LGR5: variants seen among roughly 807,000 people sequenced by gnomAD.
The protein encoded by LGR5 is leucine-rich repeat-containing G protein-coupled receptor 5.
A neutral mutation model predicts 76.7 loss-of-function variants in LGR5; 54 were observed. The observed-to-expected ratio is 0.70, with a 90% CI of 0.57 to 0.88. The LOEUF (loss-of-function observed/expected upper bound fraction) is 0.88. LGR5 is among the 40% of genes least tolerant of loss of function. The pLI, the probability that LGR5 is intolerant of heterozygous loss-of-function variation, is 0.00. For synonymous variants in LGR5, 406 were observed against 421.9 expected (o/e 0.96, Z 0.46); for missense variants, 1,078 against 1,073.3 (o/e 1.00, Z -0.06).
chr12:71,579,623 C>T (rs1879006631), intron 15 of LGR5, among the ~76,000 whole-genome samples: 1 of 152,118 alleles, frequency 6.6e-6, no homozygotes, highest in Admixed American at 6.5e-5. Context: ...TCCCCTCAAG[C>T]ATTTATCCTT....
intron 8 of LGR5, 63 bp from the exon 9 acceptor site, chr12:71,566,341 G>A (rs1413703076): frequency 9.6e-7 from 1 of 1,037,144 alleles, no homozygotes; most frequent in Non-Finnish European, 1.5e-6. Context: ...TTCAAATTTT[G>A]AACAGATATT....
intron 1 of LGR5, among the ~76,000 whole-genome samples, chr12:71,498,673 A>AGGGTTTAGCATAT (rs1874446812): frequency 6.6e-6 from 1 of 152,208 alleles, no homozygotes; most frequent in Admixed American, 6.5e-5. Flanking sequence ...TTAGGGATTC[A>AGGGTTTAGCATAT]GGGTTTAGCA....
At chr12:71,561,959 A>T in intron 8 of LGR5, 107 bp downstream of exon 8, 1 of 663,594 alleles carries the variant, frequency 1.5e-6, no homozygotes, top group Non-Finnish European at 2.5e-6. Flanking sequence ...GTCTTAGTCA[A>T]TCTAAGAGTT....
intron 1 of LGR5, among the ~76,000 whole-genome samples, chr12:71,454,982 A>C (rs1872407670): frequency 6.6e-6 from 1 of 152,116 alleles, no homozygotes; most frequent in Non-Finnish European, 1.5e-5. Context: ...CAAACAAAAA[A>C]CAAAACCAAA....
chr12:71,490,803 C>G (rs1173956064), intron 1 of LGR5, among the ~76,000 whole-genome samples: 1 of 152,146 alleles, frequency 6.6e-6, no homozygotes, highest in African/African-American at 2.4e-5. Flanking sequence ...TTGTATAATT[C>G]AGAAGGCTTA....
intron 1 of LGR5, among the ~76,000 whole-genome samples, chr12:71,447,499 G>C (rs1319370551): frequency 6.6e-6 from 1 of 152,138 alleles, no homozygotes; most frequent in Non-Finnish European, 1.5e-5. Flanking sequence ...TCATACTCCA[G>C]CTTTTTACTG....
chr12:71,533,785 C>T (rs912090719), intron 3 of LGR5, among the ~76,000 whole-genome samples: 4 of 152,192 alleles, frequency 2.6e-5, no homozygotes, highest in African/African-American at 7.2e-5. Context: ...TATTACTGAT[C>T]GCTGAGGCAT....
chr12:71,470,294 G>A (rs1045264143), intron 1 of LGR5, among the ~76,000 whole-genome samples: 3 of 152,138 alleles, frequency 2.0e-5, no homozygotes, highest in African/African-American at 7.2e-5. Context: ...TTTTATCAAA[G>A]GGAGAACAGG....
At chr12:71,546,317 A>AATAAAT (rs1555173452) in intron 4 of LGR5, among the ~76,000 whole-genome samples, 2 of 148,816 alleles carry the variant, frequency 1.3e-5, no homozygotes, top group African/African-American at 5.0e-5. Flanking sequence ...TCAGTCTCAA[A>AATAAAT]ATATATATAT....
chr12:71,458,705 T>C (rs181730425), intron 1 of LGR5, among the ~76,000 whole-genome samples: 16 of 150,592 alleles, frequency 1.1e-4, no homozygotes, highest in Admixed American at 5.3e-4. Context: ...ATTTATTCGT[T>C]CATTTATCCG....
chr12:71,550,396 G>A (rs900114049), intron 4 of LGR5, among the ~76,000 whole-genome samples: 16 of 149,458 alleles, frequency 1.1e-4, no homozygotes, highest in African/African-American at 2.7e-4. Context: ...GTCTCCCTAA[G>A]TTCTGGGATT....
chr12:71,523,354 T>C (rs1158361337), intron 2 of LGR5, among the ~76,000 whole-genome samples: 1 of 152,026 alleles, frequency 6.6e-6, no homozygotes, highest in Non-Finnish European at 1.5e-5. Context: ...ATCTCCATCA[T>C]AGTACCCAGC....
In LGR5 at chr12:71,584,836, G is replaced by C. The variant is rs557174269; in HGVS notation, c.*102G>C. 5 of 1,257,252 alleles carry C rather than the reference G, an allele frequency of 4.0e-6. No individual in the cohort carries two copies. In the African/African-American group the frequency reaches 7.5e-5, roughly 19 times the overall value. 77.9% of individuals were successfully genotyped at this position (1,257,252 alleles called of 1,614,324 possible). On this transcript the variant is annotated 3_prime_UTR_variant, in exon 18 of 18. Coordinates refer to ENST00000266674, the MANE Select transcript of LGR5 (RefSeq NM_003667.4). ...ATAAGAAGAGCTGAGGTGAAACTCG[G>C]TTTAAAAACCAAAAAAGAATCTCTC...
chr12:71,501,773 A>G (rs1874617930), intron 1 of LGR5, among the ~76,000 whole-genome samples: 1 of 152,136 alleles, frequency 6.6e-6, no homozygotes, highest in African/African-American at 2.4e-5. Context: ...TTTTTATTAT[A>G]GTTTATAATA....
chr12:71,583,708 C>T lies in LGR5; in HGVS notation c.1698C>T (p.Thr566=), dbSNP rs1879187430. ...GGCTGATCAGAATTGGAGTGTGGAC[C>T]ATAGCAGTTCTGGCACTTACTTGTA... ...DGWLIRIGVW[T]IAVLALTCNA... The change falls in exon 18 of 18, where the codon ACC becomes ACT. Residue 566 remains threonine (T), a synonymous_variant. Coordinates refer to ENST00000266674, the MANE Select transcript of LGR5 (RefSeq NM_003667.4). 6.2e-7 allele frequency: 1 copy of T among 1,614,150 alleles called. No homozygotes were observed. Among genetic ancestry groups the T allele is most frequent in the Non-Finnish European group, 8.5e-7 (1 of 1,180,002 alleles).
At chr12:71,476,195 T>TA (rs1166466310) in intron 1 of LGR5, among the ~76,000 whole-genome samples, 1 of 152,174 alleles carries the variant, frequency 6.6e-6, no homozygotes, top group African/African-American at 2.4e-5. Flanking sequence ...AACCTGACCT[T>TA]ACTATTCTTC....
In LGR5 at chr12:71,580,778, G is replaced by T. The variant is rs111714750; in HGVS notation, c.1552+355G>T. Among the ~76,000 whole-genome samples the T allele has an allele frequency of 6.7e-3, 1,020 of 152,182 alleles. 13 individuals carry two copies. Among genetic ancestry groups the T allele is most frequent in the African/African-American group, 0.022 (933 of 41,518 alleles). On this transcript the variant is annotated intron_variant, in intron 16 of 17. Coordinates refer to ENST00000266674, the MANE Select transcript of LGR5 (RefSeq NM_003667.4). ...GCTGAGATCACGCCACTGCACTCCA[G>T]CCTGGGCAACAGAGCAAGACTGTCT...
chr12:71,502,637 C>A (rs148127294), intron 1 of LGR5, among the ~76,000 whole-genome samples: 3 of 152,148 alleles, frequency 2.0e-5, no homozygotes, highest in Non-Finnish European at 2.9e-5. Context: ...AGTTTTCCCA[C>A]GATTATGCAG....
At chr12:71,480,974 C>T (rs542848766) in intron 1 of LGR5, among the ~76,000 whole-genome samples, 9 of 152,292 alleles carry the variant, frequency 5.9e-5, no homozygotes, top group African/African-American at 1.9e-4. Flanking sequence ...TTTCCTCATA[C>T]GATAGCTAGA....
Sources: allele counts gnomAD v4.1 joint callset (sites outside exome capture counted in the v4.1 genomes callset), GRCh38; gene constraint gnomAD v4.1.1; transcripts MANE v1.5; gene names NCBI Gene and HGNC (gene_info 2026-07-23, HGNC 2026-07-21).